The following PCLO variants were observed in gnomAD, a reference collection of about 807,000 sequenced individuals.
The protein encoded by PCLO is protein piccolo.
PCLO carries 82 observed loss-of-function variants against 427.5 expected under a neutral mutation model. The observed-to-expected ratio is 0.19, with a 90% CI of 0.16 to 0.23. The LOEUF (loss-of-function observed/expected upper bound fraction) is 0.23. PCLO is among the 10% of genes least tolerant of loss of function. The pLI is 1.00. For synonymous variants in PCLO, 2,357 were observed against 2,155.4 expected, an observed-to-expected ratio of 1.09 and a Z score of -2.59; for missense variants, 6,239 against 6,115.9, an observed-to-expected ratio of 1.02 and a Z score of -0.67.
chr7:82,869,647 G>T (rs191480897), intron 10 of PCLO, among the ~76,000 whole-genome samples: 127 of 152,018 alleles, frequency 8.4e-4, no homozygotes, highest in East Asian at 4.7e-3. Context: ...AAATAGACCA[G>T]AACAGAGAAC....
intron 22 of PCLO, 23 bp from the exon 23 acceptor site, chr7:82,761,516 CA>C: frequency 6.4e-7 from 1 of 1,560,334 alleles, no homozygotes; most frequent in Non-Finnish European, 8.7e-7. Context: ...AATAAAAATG[CA>C]AAGAAGTATG....
At chr7:83,014,567 G>A (rs1399307319) in intron 3 of PCLO, among the ~76,000 whole-genome samples, 1 of 151,726 alleles carries the variant, frequency 6.6e-6, no homozygotes, top group Non-Finnish European at 1.5e-5. Context: ...CAAGGGAGTA[G>A]AAAGGGATGG....
chr7:82,902,982 T>C (rs1794087069), intron 8 of PCLO, among the ~76,000 whole-genome samples: 2 of 152,040 alleles, frequency 1.3e-5, no homozygotes, highest in Non-Finnish European at 2.9e-5. Context: ...CTTGTTGTAT[T>C]TGAAAAATTA....
At position 83,050,618 on chromosome 7, in the gene PCLO, T is replaced by C. The variant is rs559839997; in HGVS notation, c.3300+83632A>G. Among the ~76,000 whole-genome samples the C allele has an allele frequency of 5.3e-5, 8 of 151,962 alleles. No homozygotes were observed. The East Asian group carries it at 9.7e-4, about 18-fold the overall frequency. ...CCAATTGTTGGATTTATCCTAGGTA[T>C]GCAAAGCTGGGTTAACATTTAAAAA... On this transcript the variant is annotated intron_variant, in intron 3 of 24. Coordinates refer to ENST00000333891, the MANE Select transcript of PCLO (RefSeq NM_033026.6).
intron 9 of PCLO, among the ~76,000 whole-genome samples, chr7:82,894,006 TA>T (rs1207856784): frequency 2.0e-5 from 3 of 151,908 alleles, no homozygotes; most frequent in African/African-American, 7.2e-5. Flanking sequence ...ATGTAATACT[TA>T]AAAAAATATT....
intron 3 of PCLO, among the ~76,000 whole-genome samples, chr7:83,104,315 C>T (rs1790803002): frequency 6.6e-6 from 1 of 151,984 alleles, no homozygotes; most frequent in African/African-American, 2.4e-5. Context: ...AGGAAAATAT[C>T]TTCTTTAGGC....
chr7:83,134,887 G>A lies in PCLO; in HGVS notation c.2663C>T (p.Thr888Ile). 1 of 1,603,876 alleles carries A rather than the reference G, an allele frequency of 6.2e-7. No homozygotes were observed. The highest frequency in any genetic ancestry group is 8.5e-7 in the Non-Finnish European group (1 of 1,174,982). The change falls in exon 3 of 25, where the codon ACT (threonine) becomes ATT (isoleucine). Residue 888 changes from threonine (T) to isoleucine (I), a missense_variant. By Grantham distance (89) the Thr-to-Ile change is moderately conservative (BLOSUM62 -1). This residue lies in a region of PCLO where 4,677 missense variants were observed against 4,468.4 expected (regional missense o/e 1.05). Transcript: ENST00000333891. Reference sequence around the variant, plus strand: ...TGGGGACTGTTGAGGTGTGGGGACAGTTTGGCCAGCGGTAGGTCGTGGGCC... The same window carrying A: ...TGGGGACTGTTGAGGTGTGGGGACAATTTGGCCAGCGGTAGGTCGTGGGCC... ...PPGPRPTAGQ[T>I]VPTPQQSPKP...
chr7:82,950,656 T>C lies in PCLO; in HGVS notation c.9932A>G (p.Lys3311Arg), dbSNP rs555688199. 6.2e-7 allele frequency: 1 copy of C among 1,613,774 alleles called. No homozygotes were observed. The highest frequency in any genetic ancestry group is 1.3e-5 in the African/African-American group (1 of 75,030). ...QQLHQQLEEQKIRQIYQYNYD... is the reference protein window; with the variant it reads ...QQLHQQLEEQRIRQIYQYNYD... ...GTTATACTGGTAGATCTGCCGAATC[T>C]TTTGCTCCTCCAGCTGCTGGTGAAG... Residue 3311 changes from lysine (K) to arginine (R), a missense_variant, in exon 6 of 25, where the codon AAG becomes AGG. Lys to Arg is a conservative substitution (Grantham distance 26). Around this residue, in one of 5 missense-constraint regions of PCLO, gnomAD observed 4,677 missense variants for 4,468.4 expected, o/e 1.05. Transcript: ENST00000333891.
chr7:82,764,403 A>G (rs528674154), intron 22 of PCLO, among the ~76,000 whole-genome samples: 1 of 152,006 alleles, frequency 6.6e-6, no homozygotes, highest in Non-Finnish European at 1.5e-5. Context: ...GACATAACAT[A>G]CACAATGATT....
chr7:83,041,486 G>A (rs992760506), intron 3 of PCLO, among the ~76,000 whole-genome samples: 1 of 152,112 alleles, frequency 6.6e-6, no homozygotes, highest in Admixed American at 6.5e-5. Context: ...GTAACAGGGA[G>A]AAAAAGCTTG....
intron 10 of PCLO, among the ~76,000 whole-genome samples, chr7:82,868,974 T>C (rs189848061): frequency 5.6e-4 from 86 of 152,264 alleles, no homozygotes; most frequent in East Asian, 2.1e-3. Context: ...TGTGGATTCA[T>C]TGTTCTCTTA....
intron 6 of PCLO, among the ~76,000 whole-genome samples, chr7:82,929,018 T>C (rs1794780311): frequency 6.6e-6 from 1 of 152,114 alleles, no homozygotes; most frequent in African/African-American, 2.4e-5. Context: ...AAGGTAGTTG[T>C]CTGAAGGTGA....
At chr7:83,011,066 T>G (rs1460872325) in intron 3 of PCLO, among the ~76,000 whole-genome samples, 1 of 152,062 alleles carries the variant, frequency 6.6e-6, no homozygotes, top group East Asian at 1.9e-4. Context: ...AGTCAACTTT[T>G]GGCCTTTAAT....
intron 3 of PCLO, among the ~76,000 whole-genome samples, chr7:83,051,785 ACG>A (rs1789260934): frequency 6.6e-6 from 1 of 152,178 alleles, no homozygotes; most frequent in Admixed American, 6.5e-5. Flanking sequence ...AAGGGCTGTC[ACG>A]ACACAGCTTC....
chr7:83,022,568 T>C (rs1184880692), intron 3 of PCLO, among the ~76,000 whole-genome samples: 1 of 152,160 alleles, frequency 6.6e-6, no homozygotes, highest in South Asian at 2.1e-4. Context: ...CTAGCCGAGA[T>C]AAATATGAAA....
At chr7:82,854,277 C>A (rs918133372) in intron 10 of PCLO, among the ~76,000 whole-genome samples, 2 of 152,052 alleles carry the variant, frequency 1.3e-5, no homozygotes, top group Non-Finnish European at 1.5e-5. Context: ...CTGCATGGGA[C>A]ATCCAATCTG....
chr7:83,135,192 T>G lies in PCLO; in HGVS notation c.2358A>C (p.Gln786His). Residue 786 changes from glutamine (Q) to histidine (H), a missense_variant, in exon 3 of 25, where the codon CAA becomes CAC. Gln to His is a conservative substitution (Grantham distance 24). Transcript: ENST00000333891. ...PDIPSSKVQSQAEEKTTPPLK... is the reference protein window; with the variant it reads ...PDIPSSKVQSHAEEKTTPPLK... ...GAGGAGGGGTTGTTTTCTCTTCAGC[T>G]TGTGACTGTACTTTGGAGCTTGGAA... 1.2e-6 allele frequency: 2 copies of G among 1,613,936 alleles called. No homozygotes were observed. The highest frequency in any genetic ancestry group is 1.7e-6 in the Non-Finnish European group (2 of 1,179,874).
chr7:83,057,285 A>T (rs1789404701), intron 3 of PCLO, among the ~76,000 whole-genome samples: 1 of 127,316 alleles, frequency 7.9e-6, no homozygotes, highest in South Asian at 2.6e-4. Flanking sequence ...ACCTCAAATG[A>T]TCCATCTGAA....
intron 3 of PCLO, among the ~76,000 whole-genome samples, chr7:83,010,991 C>T (rs1475353157): frequency 6.6e-6 from 1 of 152,006 alleles, no homozygotes; most frequent in Non-Finnish European, 1.5e-5. Context: ...GGCATAATTT[C>T]CACTGCCGAA....
Sources: allele counts gnomAD v4.1 joint callset (sites outside exome capture counted in the v4.1 genomes callset), GRCh38; gene constraint gnomAD v4.1.1; regional missense constraint gnomAD v4.1.1; transcripts MANE v1.5; gene names NCBI Gene and HGNC (gene_info 2026-07-23, HGNC 2026-07-21).